Variants in TNNI3K observed in about 807,000 individuals in gnomAD.
The protein encoded by TNNI3K is TNNI3 interacting kinase.
TNNI3K carries 140 observed loss-of-function variants against 114.5 expected under a neutral mutation model. The ratio of observed to expected loss-of-function variants is 1.22; its 90% CI spans 1.07 to 1.41. TNNI3K has a LOEUF of 1.41. Among genes scored for constraint, TNNI3K ranks in the 40% most tolerant of loss-of-function variants. TNNI3K has a pLI of 0.00. For synonymous variants in TNNI3K, 347 were observed against 347.5 expected (o/e 1.00, Z 0.02); for missense variants, 1,125 against 1,007.6 (o/e 1.12, Z -1.58).
At chr1:74,237,168 G>A (rs1653906607) in intron 2 of TNNI3K, among the ~76,000 whole-genome samples, 1 of 151,936 alleles carries the variant, frequency 6.6e-6, no homozygotes, top group African/African-American at 2.4e-5. Flanking sequence ...TTTCACAAGT[G>A]TTCAACTTAT....
chr1:74,439,804 G>A (rs992059686), intron 20 of TNNI3K, among the ~76,000 whole-genome samples, 182 bp downstream of exon 20: 11 of 151,998 alleles, frequency 7.2e-5, no homozygotes, highest in African/African-American at 2.2e-4. Context: ...TGACTTACCT[G>A]TGATTTCAGA....
At chr1:74,470,228 C>T (rs1667856130) in intron 21 of TNNI3K, 1 of 400,688 alleles carries the variant, frequency 2.5e-6, no homozygotes, top group Non-Finnish European at 4.4e-6. Flanking sequence ...GTCTCCTCGG[C>T]AGAGCTTGCA....
chr1:74,368,836 G>A (rs1662425484), intron 13 of TNNI3K, among the ~76,000 whole-genome samples, 186 bp from the exon 14 acceptor site: 1 of 151,896 alleles, frequency 6.6e-6, no homozygotes, highest in African/African-American at 2.4e-5. Context: ...TGATTTTAAT[G>A]CAGGGGGGTA....
chr1:74,271,243 C>G (rs1015976921), intron 4 of TNNI3K, among the ~76,000 whole-genome samples: 2 of 151,844 alleles, frequency 1.3e-5, no homozygotes, highest in Non-Finnish European at 2.9e-5. Context: ...CTGTAAATTC[C>G]TGACCTCACT....
chr1:74,477,929 CTTCATAAAAACTTTTTATCTACCAG>C (rs1668286923), intron 21 of TNNI3K, among the ~76,000 whole-genome samples: 1 of 152,140 alleles, frequency 6.6e-6, no homozygotes, highest in Admixed American at 6.5e-5. Context: ...CACATTACAG[CTTCATAAAAACTTTTTATCTACCAG>C]TTCATAGTGT....
rs542092987 is a variant in TNNI3K, at chr1:74,524,233, G to C, written c.2352-16001G>C. ...CATCAGAAGTATTTAGAGGCATTCT[G>C]AAGAGTCTGTTGGGAATTTTAACAG... On this transcript the variant is annotated intron_variant, in intron 23 of 24. Transcript: ENST00000326637. Among the ~76,000 whole-genome samples the C allele has an allele frequency of 3.9e-5, 6 of 152,346 alleles. No homozygotes were observed. In the East Asian group the frequency reaches 1.2e-3, roughly 29 times the overall value.
chr1:74,367,203 G>T, intron 11 of TNNI3K, 53 bp from the exon 12 acceptor site: 2 of 1,593,034 alleles, frequency 1.3e-6, no homozygotes, highest in South Asian at 2.2e-5. Flanking sequence ...AGAGTAGACT[G>T]AATAACTTAA....
chr1:74,248,253 G>T (rs1654710642), intron 2 of TNNI3K, among the ~76,000 whole-genome samples: 1 of 151,750 alleles, frequency 6.6e-6, no homozygotes. Context: ...TGGCCTGCGA[G>T]CACTGTGCAC....
Position 74,367,908 on chromosome 1 carries a change from A to G in TNNI3K, c.1265A>G (p.Asp422Gly). ...CTCTATTATATAATTTAATTTCTAG[A>G]TGGCTCCTATGTGTCTGTTCCATCA... ...PCNEYSQPGGDGSYVSVPSPL... is the reference protein window; with the variant it reads ...PCNEYSQPGGGGSYVSVPSPL... Residue 422 changes from aspartate (D) to glycine (G), a missense_variant and splice_region_variant, in exon 13 of 25, where the codon GAT (aspartate) becomes GGT (glycine). Asp to Gly is a moderately conservative substitution (Grantham distance 94). Transcript: ENST00000326637. 1.3e-6 allele frequency: 2 copies of G among 1,572,340 alleles called. No individual in the cohort carries two copies. Among genetic ancestry groups the G allele is most frequent in the Non-Finnish European group, 1.7e-6 (2 of 1,165,170 alleles).
At chr1:74,337,623 G>A (rs1008813422) in intron 7 of TNNI3K, among the ~76,000 whole-genome samples, 2 of 151,966 alleles carry the variant, frequency 1.3e-5, no homozygotes, top group East Asian at 3.8e-4. Context: ...GAATATTTAT[G>A]TATGTATACA....
chr1:74,413,541 A>G (rs1003810812), intron 17 of TNNI3K, among the ~76,000 whole-genome samples: 4 of 152,190 alleles, frequency 2.6e-5, no homozygotes, highest in African/African-American at 9.6e-5. Context: ...AAATTAACTG[A>G]TATCTTCTGA....
At chr1:74,487,995 G>T (rs1668853121) in intron 21 of TNNI3K, among the ~76,000 whole-genome samples, 1 of 152,190 alleles carries the variant, frequency 6.6e-6, no homozygotes, top group Non-Finnish European at 1.5e-5. Context: ...GACTAAAGGA[G>T]TTTGGAGGAC....
At chr1:74,535,737 C>A (rs1235421815) in intron 23 of TNNI3K, among the ~76,000 whole-genome samples, 1 of 152,168 alleles carries the variant, frequency 6.6e-6, no homozygotes, top group Non-Finnish European at 1.5e-5. Flanking sequence ...TTCAACTTAA[C>A]TCTGTGGGAA....
intron 20 of TNNI3K, among the ~76,000 whole-genome samples, chr1:74,456,342 A>G (rs182875599): frequency 1.3e-5 from 2 of 152,274 alleles, no homozygotes; most frequent in Admixed American, 6.5e-5. Context: ...TCAGATTAGG[A>G]GGAGAAGGAG....
chr1:74,482,160 C>T (rs1355143428), intron 21 of TNNI3K, among the ~76,000 whole-genome samples: 1 of 152,074 alleles, frequency 6.6e-6, no homozygotes, highest in Non-Finnish European at 1.5e-5. Context: ...TTTCATGGGT[C>T]CCCAGTCCTT....
intron 9 of TNNI3K, among the ~76,000 whole-genome samples, chr1:74,345,138 T>C (rs923852155): frequency 2.0e-5 from 3 of 152,078 alleles, no homozygotes; most frequent in African/African-American, 4.8e-5. Context: ...AGTAGTTTCT[T>C]TGAAAAAGAG....
At chr1:74,443,016 G>A (rs557613267) in intron 20 of TNNI3K, among the ~76,000 whole-genome samples, 6 of 152,108 alleles carry the variant, frequency 3.9e-5, no homozygotes, top group South Asian at 2.1e-4. Flanking sequence ...CTAAAGCAGC[G>A]TTGAGATAAA....
chr1:74,242,338 T>C (rs1557443734), intron 2 of TNNI3K, among the ~76,000 whole-genome samples: 1 of 152,068 alleles, frequency 6.6e-6, no homozygotes, highest in Admixed American at 6.6e-5. Flanking sequence ...ATAGAGGAAA[T>C]AAAAAAATGT....
intron 21 of TNNI3K, among the ~76,000 whole-genome samples, chr1:74,467,490 T>C (rs1162141989): frequency 2.0e-5 from 3 of 151,392 alleles, no homozygotes; most frequent in Admixed American, 2.0e-4. Flanking sequence ...TGGAAAACAG[T>C]AAGAGGTAGA....
Sources: gnomAD v4.1 joint callset for allele counts (sites outside exome capture counted in the v4.1 genomes callset) on GRCh38, gnomAD v4.1.1 for gene constraint, MANE v1.5 for transcripts, NCBI Gene and HGNC (gene_info 2026-07-23, HGNC 2026-07-21) for gene names.